PDE10A: variants seen among roughly 807,000 people sequenced by gnomAD.
PDE10A encodes the protein phosphodiesterase 10A.
A neutral mutation model predicts 97.7 loss-of-function variants in PDE10A; 39 were observed. The ratio of observed to expected loss-of-function variants is 0.40; its 90% CI spans 0.31 to 0.52. PDE10A has a LOEUF of 0.52. Among genes scored for constraint, PDE10A ranks in the 20% least tolerant of loss-of-function variants. The pLI is 0.56. For missense variants in PDE10A, 731 were observed against 1,047.8 expected, an observed-to-expected ratio of 0.70 and a Z score of 4.17; for synonymous variants, 371 against 376.8, an observed-to-expected ratio of 0.98 and a Z score of 0.18.
In PDE10A at chr6:165,553,794, G is replaced by C. The variant is rs73250045; in HGVS notation, c.866-10226C>G. 5.0e-3 allele frequency among the ~76,000 whole-genome samples: 762 copies of C among 152,184 alleles called. 9 individuals carry two copies. Among genetic ancestry groups the C allele is most frequent in the African/African-American group, 0.018 (733 of 41,522 alleles). On this transcript the variant is annotated intron_variant, in intron 1 of 21. Coordinates refer to ENST00000539869, the MANE Select transcript of PDE10A (RefSeq NM_001385079.1). ...ATAAATGAAAGTTTCTTTTAACTGA[G>C]AAAGTCAACTACAAACTTGAGCTGC...
chr6:165,708,864 C>T (rs1256600506), intron 1 of PDE10A, among the ~76,000 whole-genome samples: 1 of 44,996 alleles, frequency 2.2e-5, no homozygotes. Context: ...CATGCTGCCA[C>T]GCTCACCCCC....
intron 1 of PDE10A, among the ~76,000 whole-genome samples, chr6:165,719,101 G>A (rs1792099814): frequency 6.6e-6 from 1 of 151,926 alleles, no homozygotes; most frequent in African/African-American, 2.4e-5. Context: ...CCAGAAAATA[G>A]AACAAAACCA....
At chr6:165,686,595 T>C (rs9365906) in intron 1 of PDE10A, among the ~76,000 whole-genome samples, 87,767 of 152,174 alleles carry the variant, frequency 0.58, 26,254 homozygotes, top group East Asian at 0.83. Flanking sequence ...GCACACTTTC[T>C]AAAACAAAGA....
chr6:165,567,637 T>A (rs1784838896), intron 1 of PDE10A, among the ~76,000 whole-genome samples: 1 of 152,166 alleles, frequency 6.6e-6, no homozygotes, highest in Non-Finnish European at 1.5e-5. Flanking sequence ...TAACCAGGTA[T>A]TTCGTCTCTC....
intron 2 of PDE10A, among the ~76,000 whole-genome samples, chr6:165,527,527 C>T (rs1218810625): frequency 6.6e-6 from 1 of 152,176 alleles, no homozygotes; most frequent in Non-Finnish European, 1.5e-5. Flanking sequence ...AACTACTCTC[C>T]TTTTGAGAGA....
intron 1 of PDE10A, among the ~76,000 whole-genome samples, chr6:165,841,033 T>C (rs1049266007): frequency 5.9e-5 from 9 of 152,244 alleles, no homozygotes; most frequent in Admixed American, 5.9e-4. Flanking sequence ...CCAACAGGTT[T>C]TATTCACCTT....
intron 1 of PDE10A, among the ~76,000 whole-genome samples, chr6:165,554,489 C>T (rs1314041795): frequency 1.3e-5 from 2 of 152,064 alleles, no homozygotes; most frequent in African/African-American, 4.8e-5. Context: ...GTTAAAATGA[C>T]ATATATTCAA....
At chr6:165,604,846 G>T (rs1364687984) in intron 1 of PDE10A, among the ~76,000 whole-genome samples, 1 of 152,232 alleles carries the variant, frequency 6.6e-6, no homozygotes, top group Non-Finnish European at 1.5e-5. Context: ...TATGTGGGTA[G>T]TGGAATTTCT....
At chr6:165,339,097 T>A (rs1781822173) in intron 20 of PDE10A, among the ~76,000 whole-genome samples, 181 bp downstream of exon 20, 1 of 152,228 alleles carries the variant, frequency 6.6e-6, no homozygotes, top group Non-Finnish European at 1.5e-5. Context: ...GTTTTTCTTT[T>A]TCTAGTTCTC....
chr6:165,334,978 A>T (rs1431412794), intron 21 of PDE10A, among the ~76,000 whole-genome samples: 1 of 152,206 alleles, frequency 6.6e-6, no homozygotes, highest in Non-Finnish European at 1.5e-5. Context: ...GTCCTCCCAC[A>T]GGGCATCCAC....
At chr6:165,540,524 C>A (rs796839754) in intron 2 of PDE10A, among the ~76,000 whole-genome samples, 7 of 152,262 alleles carry the variant, frequency 4.6e-5, no homozygotes, top group Admixed American at 1.3e-4. Context: ...TTCCTGGTTC[C>A]ACTCATGGAA....
intron 1 of PDE10A, among the ~76,000 whole-genome samples, chr6:165,612,745 A>C (rs1787555683): frequency 6.6e-6 from 1 of 152,224 alleles, no homozygotes; most frequent in Admixed American, 6.5e-5. Context: ...TGCAAAACAT[A>C]TCTCTTCCAG....
At position 165,406,796 on chromosome 6, in the gene PDE10A, A is replaced by G. The variant is rs554084274; in HGVS notation, c.2076+6705T>C. On this transcript the variant is annotated intron_variant, in intron 13 of 21. Coordinates refer to ENST00000539869, the MANE Select transcript of PDE10A (RefSeq NM_001385079.1). Reference sequence around the variant, plus strand: ...ACCATGCAACTGGCTGAGGACCCAGACAGAACAGAAAGGCAAAGGGAAGGC... The same window carrying G: ...ACCATGCAACTGGCTGAGGACCCAGGCAGAACAGAAAGGCAAAGGGAAGGC... Among the ~76,000 whole-genome samples the G allele has an allele frequency of 1.3e-3, 195 of 152,294 alleles. 1 individual carries two copies. Among genetic ancestry groups the G allele is most frequent in the African/African-American group, 4.0e-3 (165 of 41,564 alleles).
chr6:165,922,849 A>G (rs147500357), intron 1 of PDE10A, among the ~76,000 whole-genome samples: 120 of 152,330 alleles, frequency 7.9e-4, no homozygotes, highest in Non-Finnish European at 1.4e-3. Flanking sequence ...GGGTTCTGTC[A>G]GGGTTGCATG....
chr6:165,452,211 G>A (rs187796311), intron 3 of PDE10A, among the ~76,000 whole-genome samples: 2 of 152,338 alleles, frequency 1.3e-5, no homozygotes, highest in African/African-American at 4.8e-5. Context: ...TCACCCAGAA[G>A]ATGGGATATT....
chr6:165,445,027 C>T (rs1310711566), intron 5 of PDE10A, among the ~76,000 whole-genome samples: 1 of 151,966 alleles, frequency 6.6e-6, no homozygotes. Context: ...GACTTTCTTG[C>T]TATGATTCCA....
At chr6:165,572,794 GCCACTGCACTC>G (rs970807586) in intron 1 of PDE10A, among the ~76,000 whole-genome samples, 19 of 152,272 alleles carry the variant, frequency 1.2e-4, no homozygotes, top group African/African-American at 4.1e-4. Context: ...CCACGATCGT[GCCACTGCACTC>G]CAGCGTGGGC....
At chr6:165,645,428 T>C (rs936003585) in intron 1 of PDE10A, among the ~76,000 whole-genome samples, 2 of 152,176 alleles carry the variant, frequency 1.3e-5, no homozygotes, top group African/African-American at 4.8e-5. Flanking sequence ...CACAGACGTC[T>C]TTCTTCAAGG....
At chr6:165,520,814 G>C (rs1782084771) in intron 2 of PDE10A, among the ~76,000 whole-genome samples, 3 of 152,020 alleles carry the variant, frequency 2.0e-5, no homozygotes, top group Admixed American at 2.0e-4. Flanking sequence ...CAGTGTATTG[G>C]GTGGACTGGA....
Sources: gnomAD v4.1 joint callset for allele counts (sites outside exome capture counted in the v4.1 genomes callset) on GRCh38, gnomAD v4.1.1 for gene constraint, MANE v1.5 for transcripts, NCBI Gene and HGNC (gene_info 2026-07-23, HGNC 2026-07-21) for gene names.